LARS2: variants seen among roughly 807,000 people sequenced by gnomAD.
LARS2 encodes leucyl-tRNA synthetase 2, mitochondrial.
A neutral mutation model predicts 116.6 loss-of-function variants in LARS2; 81 were observed. The ratio of observed to expected loss-of-function variants is 0.69; its 90% CI spans 0.58 to 0.84. The LOEUF is 0.84. Ranked by LOEUF, LARS2 falls within the 40% of genes least tolerant of loss-of-function variation. The pLI, the probability that LARS2 is intolerant of heterozygous loss-of-function variation, is 0.00. For missense variants in LARS2, 968 were observed against 1,114.5 expected, an observed-to-expected ratio of 0.87 and a Z score of 1.87; for synonymous variants, 396 against 407.2, an observed-to-expected ratio of 0.97 and a Z score of 0.33.
At chr3:45,471,345 T>G (rs973724897) in intron 8 of LARS2, among the ~76,000 whole-genome samples, 2 of 152,218 alleles carry the variant, frequency 1.3e-5, no homozygotes, top group Admixed American at 6.5e-5. Context: ...TTTAAAAATT[T>G]CTTTTGGTTT....
chr3:45,474,163 C>CTGCAGA, intron 8 of LARS2, 80 bp from the exon 9 acceptor site: 3 of 853,934 alleles, frequency 3.5e-6, no homozygotes, highest in Non-Finnish European at 5.6e-6. Flanking sequence ...CTTTTCCTAC[C>CTGCAGA]TTAACAAGCT....
intron 21 of LARS2, among the ~76,000 whole-genome samples, chr3:45,545,014 G>T (rs979192086): frequency 1.3e-5 from 2 of 152,166 alleles, no homozygotes; most frequent in African/African-American, 4.8e-5. Context: ...GGGCTACCAG[G>T]GTGTGTGAGC....
At chr3:45,469,823 C>G (rs889544595) in intron 8 of LARS2, among the ~76,000 whole-genome samples, 28 of 151,852 alleles carry the variant, frequency 1.8e-4, no homozygotes, top group Non-Finnish European at 3.5e-4. Flanking sequence ...TGCCTCCCCC[C>G]CCACCAAAAA....
intron 9 of LARS2, among the ~76,000 whole-genome samples, chr3:45,475,588 G>A (rs1699596227): frequency 6.6e-6 from 1 of 152,124 alleles, no homozygotes; most frequent in Non-Finnish European, 1.5e-5. Flanking sequence ...CAGCTACTGT[G>A]TGTGGAATAT....
intron 20 of LARS2, among the ~76,000 whole-genome samples, chr3:45,529,073 T>TG (rs1700576726): frequency 6.6e-6 from 1 of 152,042 alleles, no homozygotes; most frequent in African/African-American, 2.4e-5. Context: ...TTCACCGTGT[T>TG]GCCAGTCTGG....
intron 4 of LARS2, among the ~76,000 whole-genome samples, chr3:45,401,373 C>G (rs893021040): frequency 1.3e-5 from 2 of 151,356 alleles, no homozygotes; most frequent in African/African-American, 4.9e-5. Context: ...TGTGGTGGCA[C>G]ACACCTGTAG....
chr3:45,472,575 A>G (rs1280840948), intron 8 of LARS2, among the ~76,000 whole-genome samples: 1 of 152,232 alleles, frequency 6.6e-6, no homozygotes, highest in Non-Finnish European at 1.5e-5. Flanking sequence ...AAATAAGATA[A>G]TAGAAGCAGA....
At chr3:45,439,811 T>C (rs904503406) in intron 6 of LARS2, among the ~76,000 whole-genome samples, 11 of 152,132 alleles carry the variant, frequency 7.2e-5, no homozygotes, top group African/African-American at 2.4e-4. Flanking sequence ...CAAATCATGT[T>C]CTTAGCTCCT....
At chr3:45,473,385 G>T (rs1206671006) in intron 8 of LARS2, among the ~76,000 whole-genome samples, 1 of 134,658 alleles carries the variant, frequency 7.4e-6, no homozygotes, top group African/African-American at 2.8e-5. Context: ...TTTTTGTTTT[G>T]TTTTTTGTTT....
chr3:45,420,430 A>AT (rs1330703396), intron 6 of LARS2, among the ~76,000 whole-genome samples: 1 of 152,186 alleles, frequency 6.6e-6, no homozygotes, highest in Non-Finnish European at 1.5e-5. Flanking sequence ...CCCTCTTAAC[A>AT]TCCCATTTAC....
chr3:45,488,977 A>G (rs1301452121), intron 12 of LARS2, among the ~76,000 whole-genome samples, 165 bp downstream of exon 12: 1 of 152,250 alleles, frequency 6.6e-6, no homozygotes, highest in Non-Finnish European at 1.5e-5. Flanking sequence ...AAGATCTAGA[A>G]GTTTGCCAAT....
rs549065162 is a variant in LARS2 at position 45,423,762 on chromosome 3, A to C, written c.516+4033A>C. 3.0e-3 allele frequency among the ~76,000 whole-genome samples: 451 copies of C among 152,302 alleles called. 4 individuals carry two copies. Among genetic ancestry groups the C allele is most frequent in the African/African-American group, 0.011 (437 of 41,568 alleles). ...AATTTTTTCATTTCTGAACATTTTT[A>C]AAACTTTGTTTTAACTCTTGGTTTG... On this transcript the variant is annotated intron_variant, in intron 6 of 21. Transcript: ENST00000645846.
At chr3:45,543,140 C>T (rs1003020318) in intron 21 of LARS2, among the ~76,000 whole-genome samples, 1 of 152,238 alleles carries the variant, frequency 6.6e-6, no homozygotes, top group Non-Finnish European at 1.5e-5. Flanking sequence ...TGTTCTCTGC[C>T]ACCCCACCCC....
chr3:45,481,019 C>G (rs1699690221), intron 10 of LARS2, among the ~76,000 whole-genome samples: 1 of 152,182 alleles, frequency 6.6e-6, no homozygotes, highest in African/African-American at 2.4e-5. Context: ...AAAAAGAAAT[C>G]TCAGACCCTC....
chr3:45,523,278 G>A (rs1293852937), intron 19 of LARS2, among the ~76,000 whole-genome samples: 3 of 152,108 alleles, frequency 2.0e-5, no homozygotes, highest in Non-Finnish European at 4.4e-5. Context: ...GGGTATAGAG[G>A]CCCCCCTGCC....
intron 15 of LARS2, among the ~76,000 whole-genome samples, chr3:45,505,242 C>T (rs533076964): frequency 2.0e-4 from 31 of 152,048 alleles, no homozygotes; most frequent in African/African-American, 7.2e-4. Flanking sequence ...GAGGCTGAGG[C>T]GGGAAGATTA....
intron 6 of LARS2, among the ~76,000 whole-genome samples, chr3:45,430,733 C>T (rs534338526): frequency 3.6e-4 from 53 of 147,288 alleles, no homozygotes; most frequent in African/African-American, 5.5e-4. Context: ...TACAGGCGCC[C>T]GCCACCACGC....
At chr3:45,528,198 G>A (rs1024502598) in intron 20 of LARS2, among the ~76,000 whole-genome samples, 4 of 151,978 alleles carry the variant, frequency 2.6e-5, no homozygotes, top group African/African-American at 9.7e-5. Context: ...TTATCTGGAT[G>A]TGGTGGCATG....
chr3:45,451,631 T>G (rs1038791935), intron 7 of LARS2, among the ~76,000 whole-genome samples: 12 of 152,134 alleles, frequency 7.9e-5, no homozygotes, highest in African/African-American at 2.9e-4. Context: ...TGAAATCAGG[T>G]AGTGTGATGC....
Sources: gnomAD v4.1 joint callset for allele counts (sites outside exome capture counted in the v4.1 genomes callset) on GRCh38, gnomAD v4.1.1 for gene constraint, MANE v1.5 for transcripts, NCBI Gene and HGNC (gene_info 2026-07-23, HGNC 2026-07-21) for gene names.